ERBB4: variants seen among roughly 807,000 people sequenced by gnomAD.
The protein encoded by ERBB4 is receptor tyrosine-protein kinase erbB-4.
Under a neutral mutation model 158.0 loss-of-function variants are expected in ERBB4, and 42 were observed. The ratio of observed to expected loss-of-function variants is 0.27; its 90% confidence interval spans 0.21 to 0.34. The LOEUF is 0.34. Ranked by LOEUF, ERBB4 falls within the 10% of genes least tolerant of loss-of-function variation. The pLI is 1.00. For synonymous variants in ERBB4, 583 were observed against 558.7 expected (o/e 1.04, Z -0.61); for missense variants, 1,333 against 1,624.1 (o/e 0.82, Z 3.08).
chr2:212,363,156 T>C (rs2089755351), intron 1 of ERBB4, among the ~76,000 whole-genome samples: 2 of 151,450 alleles, frequency 1.3e-5, no homozygotes, highest in East Asian at 1.9e-4. Flanking sequence ...TGTTTTTGGA[T>C]AGTATAGCTT....
chr2:212,364,079 T>C (rs2089792276), intron 1 of ERBB4, among the ~76,000 whole-genome samples: 1 of 151,762 alleles, frequency 6.6e-6, no homozygotes, highest in Non-Finnish European at 1.5e-5. Context: ...TTACTTCAAA[T>C]ATAGAATATT....
intron 20 of ERBB4, among the ~76,000 whole-genome samples, chr2:211,500,771 A>T (rs2065595763): frequency 6.6e-6 from 1 of 151,990 alleles, no homozygotes; most frequent in South Asian, 2.1e-4. Context: ...TGAAAGCTAA[A>T]TTTTGAGAAT....
chr2:212,463,898 TA>T (rs1053628376), intron 1 of ERBB4, among the ~76,000 whole-genome samples: 1 of 152,068 alleles, frequency 6.6e-6, no homozygotes, highest in Non-Finnish European at 1.5e-5. Context: ...TAAAGAGAAA[TA>T]AAAGGAAGGG....
intron 2 of ERBB4, among the ~76,000 whole-genome samples, chr2:212,012,471 C>T (rs1341463466): frequency 6.9e-6 from 1 of 144,758 alleles, no homozygotes; most frequent in Non-Finnish European, 1.5e-5. Context: ...GGCTGGAGTG[C>T]GGTGGCGCAA....
chr2:212,246,467 T>A (rs1018865629), intron 1 of ERBB4, among the ~76,000 whole-genome samples: 1 of 152,148 alleles, frequency 6.6e-6, no homozygotes, highest in African/African-American at 2.4e-5. Flanking sequence ...AAATATGTAT[T>A]GAATATAATT....
At chr2:212,450,731 T>A (rs1367437895) in intron 1 of ERBB4, among the ~76,000 whole-genome samples, 1 of 151,734 alleles carries the variant, frequency 6.6e-6, no homozygotes, top group Non-Finnish European at 1.5e-5. Flanking sequence ...TACTATATAC[T>A]GACTCTATCT....
chr2:211,570,939 T>C (rs566462952), intron 19 of ERBB4, among the ~76,000 whole-genome samples: 1 of 152,236 alleles, frequency 6.6e-6, no homozygotes, highest in African/African-American at 2.4e-5. Context: ...CCAGCCTGCA[T>C]TGTTTTATCT....
At chr2:211,910,417 A>T (rs1412642046) in intron 3 of ERBB4, among the ~76,000 whole-genome samples, 1 of 145,686 alleles carries the variant, frequency 6.9e-6, no homozygotes, top group African/African-American at 2.5e-5. Context: ...TTTGCTAAGG[A>T]TAATGGCCTC....
intron 1 of ERBB4, among the ~76,000 whole-genome samples, chr2:212,130,831 A>G (rs900908542): frequency 1.9e-4 from 29 of 152,332 alleles, no homozygotes; most frequent in African/African-American, 6.7e-4. Context: ...CAAGGAAAGC[A>G]GTGAGCAGTA....
chr2:212,532,606 C>A (rs960679097), intron 1 of ERBB4, among the ~76,000 whole-genome samples: 1 of 152,176 alleles, frequency 6.6e-6, no homozygotes, highest in Non-Finnish European at 1.5e-5. Flanking sequence ...AAAGGTAAGG[C>A]GATTGAGACA....
chr2:212,444,213 T>C (rs1486287090), intron 1 of ERBB4, among the ~76,000 whole-genome samples: 1 of 152,102 alleles, frequency 6.6e-6, no homozygotes, highest in East Asian at 1.9e-4. Context: ...TTCTGCACAA[T>C]ATGCAAGCAC....
chr2:211,757,715 T>C (rs1162642463), intron 4 of ERBB4, among the ~76,000 whole-genome samples: 1 of 152,232 alleles, frequency 6.6e-6, no homozygotes, highest in African/African-American at 2.4e-5. Context: ...ATCAGACAGA[T>C]AGCTAATGGA....
chr2:212,371,156 T>C (rs950377188), intron 1 of ERBB4, among the ~76,000 whole-genome samples: 4 of 152,174 alleles, frequency 2.6e-5, no homozygotes, highest in African/African-American at 9.7e-5. Context: ...TCTTGGTTTT[T>C]CCCCAGCCTA....
At chr2:211,560,504 C>T (rs1246847171) in intron 20 of ERBB4, among the ~76,000 whole-genome samples, 1 of 150,396 alleles carries the variant, frequency 6.6e-6, no homozygotes, top group Non-Finnish European at 1.5e-5. Context: ...AAACTCCTGA[C>T]CTCAGGTGAC....
chr2:211,611,954 C>G (rs1274580021), intron 19 of ERBB4, among the ~76,000 whole-genome samples: 1 of 152,098 alleles, frequency 6.6e-6, no homozygotes, highest in East Asian at 1.9e-4. Context: ...AAAAAATCTT[C>G]CAAGGGTCTT....
At chr2:212,092,494 T>C (rs1051158125) in intron 2 of ERBB4, among the ~76,000 whole-genome samples, 16 of 152,186 alleles carry the variant, frequency 1.1e-4, no homozygotes, top group Non-Finnish European at 1.6e-4. Context: ...TTTTTCTGAC[T>C]TTTGTACCTC....
At chr2:211,970,796 A>G (rs2081431687) in intron 2 of ERBB4, among the ~76,000 whole-genome samples, 1 of 152,122 alleles carries the variant, frequency 6.6e-6, no homozygotes. Context: ...GGTCTCTTAG[A>G]GGCAGCATAC....
At chr2:211,458,268 TA>T (rs1166454740) in intron 20 of ERBB4, among the ~76,000 whole-genome samples, 27 of 151,174 alleles carry the variant, frequency 1.8e-4, no homozygotes, top group African/African-American at 6.4e-4. Flanking sequence ...AGACAATGAA[TA>T]ATTTTTTTTT....
chr2:211,883,186 C>A lies in ERBB4; in HGVS notation c.421+64244G>T, dbSNP rs185109243. ...GCTGGAAACCATCATTCTCAGCAAACTATCGCAAGGACAAAAAACCAAACA... is the reference window on the plus strand; with the variant it reads ...GCTGGAAACCATCATTCTCAGCAAAATATCGCAAGGACAAAAAACCAAACA... On this transcript the variant is annotated intron_variant, in intron 3 of 27. Coordinates refer to ENST00000342788, the MANE Select transcript of ERBB4 (RefSeq NM_005235.3). Among the ~76,000 whole-genome samples, 418 of 152,256 alleles carry A rather than the reference C, an allele frequency of 2.7e-3. 2 individuals are homozygous for A. Among genetic ancestry groups the A allele is most frequent in the African/African-American group, 9.4e-3 (391 of 41,558 alleles).
Sources: gnomAD v4.1 joint callset for allele counts (sites outside exome capture counted in the v4.1 genomes callset) on GRCh38, gnomAD v4.1.1 for gene constraint, MANE v1.5 for transcripts, NCBI Gene and HGNC (gene_info 2026-07-23, HGNC 2026-07-21) for gene names.